Variants in MACF1 observed in about 807,000 individuals in gnomAD.
MACF1 encodes microtubule-actin cross-linking factor 1.
In MACF1, 193 loss-of-function variants were observed where a neutral mutation model predicts 854.8. The observed-to-expected ratio is 0.23, with a 90% CI of 0.20 to 0.25. MACF1 has a LOEUF of 0.25. Ranked by LOEUF, MACF1 falls within the 10% of genes least tolerant of loss-of-function variation. The pLI, the probability that MACF1 is intolerant of heterozygous loss-of-function variation, is 1.00. For synonymous variants in MACF1, 3,185 were observed against 3,226.7 expected (o/e 0.99, Z 0.44); for missense variants, 7,722 against 8,929.1 (o/e 0.86, Z 5.45).
At chr1:39,290,626 A>T (rs1571277094) in intron 15 of MACF1, among the ~76,000 whole-genome samples, 1 of 140,776 alleles carries the variant, frequency 7.1e-6, no homozygotes, top group African/African-American at 2.6e-5. Context: ...TCTCTCATTG[A>T]CAGAGGAGTT....
chr1:39,446,731 CTG>C (rs1237454484), intron 80 of MACF1, among the ~76,000 whole-genome samples: 1 of 152,036 alleles, frequency 6.6e-6, no homozygotes, highest in African/African-American at 2.4e-5. Flanking sequence ...GTGTAGGTCT[CTG>C]AGGATGGAGC....
At position 39,170,166 on chromosome 1, in the gene MACF1, T is replaced by G. The variant is rs567246862; in HGVS notation, c.221-61016T>G. On this transcript the variant is annotated intron_variant, in intron 2 of 93. Coordinates refer to the MACF1 transcript ENST00000361689. Reference sequence around the variant, plus strand: ...TCTGTCTATTCCTTCAAGTTTCACTTCAGGTCTTTCTTCTGATGAAGACTT... The same window carrying G: ...TCTGTCTATTCCTTCAAGTTTCACTGCAGGTCTTTCTTCTGATGAAGACTT... 6.6e-5 allele frequency among the ~76,000 whole-genome samples: 10 copies of G among 152,296 alleles called. No individual in the cohort carries two copies. The South Asian group carries it at 1.7e-3, about 25-fold the overall frequency.
intron 95 of MACF1, among the ~76,000 whole-genome samples, chr1:39,465,329 T>A (rs1271647005): frequency 6.6e-6 from 1 of 152,094 alleles, no homozygotes; most frequent in Non-Finnish European, 1.5e-5. Flanking sequence ...GGAGATGAAA[T>A]GGAGGAAAGT....
chr1:39,414,666 T>TTATA (rs1643218819), intron 58 of MACF1: 2 of 854,478 alleles, frequency 2.3e-6, no homozygotes, highest in African/African-American at 3.4e-5. Flanking sequence ...GTGAAAGACT[T>TTATA]TATAATTTCA....
In MACF1 at chr1:39,359,254, A is replaced by G. The variant is rs757760528; in HGVS notation, c.12234A>G (p.Gln4078=). The change falls in exon 47 of 101, where the codon CAA becomes CAG. Residue 4078 remains glutamine, a synonymous_variant. Transcript: ENST00000564288. ...CAGCCCCAGACCACAGGCATGTTCA[A>G]GAAACTACAGGTATAAAGCAGCAAC... The part of the protein sequence containing the change: ...GEPAPDHRHV[Q]ETTDSILSHF... The G allele has an allele frequency of 1.9e-6, 3 of 1,614,066 alleles. No homozygotes were observed. Among genetic ancestry groups the G allele is most frequent in the Non-Finnish European group, 1.7e-6 (2 of 1,180,048 alleles).
At position 39,442,282 on chromosome 1, in the gene MACF1, C is replaced by G; in HGVS notation, c.18910C>G (p.Leu6304Val). ...AGAACCACTGACAGAACTCAAACACCTCTGGGAGAACCTGGGTGAGAAAAT... is the reference window on the plus strand; with the variant it reads ...AGAACCACTGACAGAACTCAAACACGTCTGGGAGAACCTGGGTGAGAAAAT... ...IREPLTELKHLWENLGEKIAH... is the reference protein window; with the variant it reads ...IREPLTELKHVWENLGEKIAH... Residue 6304 changes from leucine to valine, a missense_variant, in exon 76 of 101, where the codon CTC becomes GTC. By Grantham distance (32) the Leu-to-Val change is conservative. Transcript: ENST00000564288. 1 of 1,604,468 alleles carries G rather than the reference C, an allele frequency of 6.2e-7. No individual in the cohort carries two copies. Among genetic ancestry groups the G allele is most frequent in the Admixed American group, 1.7e-5 (1 of 57,230 alleles).
chr1:39,382,038 G>A lies in MACF1; in HGVS notation c.13734G>A (p.Gln4578=), dbSNP rs770538251. The A allele has an allele frequency of 1.9e-6, 3 of 1,614,178 alleles. No homozygotes were observed. The highest frequency in any genetic ancestry group is 2.5e-6 in the Non-Finnish European group (3 of 1,180,036). The part of the protein sequence containing the change: ...EESASHLACF[Q]AAESQLRPWL... ...CTGCAAGTCATCTGGCCTGCTTCCA[G>A]GCTGCAGAATCCCAGCTCCGGCCGT... Residue 4578 remains glutamine, a synonymous_variant, in exon 56 of 101, where the codon CAG becomes CAA. Coordinates refer to ENST00000564288, the MANE Select transcript of MACF1 (RefSeq NM_001394062.1).
chr1:39,092,669 C>T (rs1389827406), intron 2 of MACF1, among the ~76,000 whole-genome samples: 1 of 152,216 alleles, frequency 6.6e-6, no homozygotes, highest in Non-Finnish European at 1.5e-5. Flanking sequence ...GAGAATAGTA[C>T]AGTGAACCCC....
intron 46 of MACF1, 89 bp from the exon 47 acceptor site, chr1:39,359,052 T>C (rs561492223): frequency 6.6e-7 from 1 of 1,518,410 alleles, no homozygotes; most frequent in Admixed American, 1.9e-5. Context: ...CTTACAATTA[T>C]TCTGTAAAGC....
chr1:39,329,204 C>A (rs1260377875), intron 36 of MACF1, among the ~76,000 whole-genome samples: 5 of 152,128 alleles, frequency 3.3e-5, no homozygotes, highest in African/African-American at 1.2e-4. Flanking sequence ...ATAAATAATA[C>A]TTTAAATAGT....
intron 44 of MACF1, among the ~76,000 whole-genome samples, chr1:39,355,193 C>T (rs1326970902): frequency 1.3e-5 from 2 of 152,098 alleles, no homozygotes; most frequent in Non-Finnish European, 2.9e-5. Flanking sequence ...ATACTGTGTC[C>T]CCCAAAGCCC....
chr1:39,242,931 C>T (rs972573042), intron 2 of MACF1, among the ~76,000 whole-genome samples: 11 of 152,164 alleles, frequency 7.2e-5, no homozygotes, highest in African/African-American at 1.9e-4. Flanking sequence ...TTTGTCTGGA[C>T]GTATGTTTTC....
chr1:39,475,559 A>G (rs1161434063), intron 97 of MACF1, among the ~76,000 whole-genome samples: 17 of 152,006 alleles, frequency 1.1e-4, no homozygotes, highest in Admixed American at 1.1e-3. Context: ...ACCAGTAGGA[A>G]GGCTGCTACA....
At chr1:39,292,307 A>G (rs567635950) in intron 16 of MACF1, among the ~76,000 whole-genome samples, 30 of 152,344 alleles carry the variant, frequency 2.0e-4, no homozygotes, top group African/African-American at 7.2e-4. Flanking sequence ...TAAGTAGTGG[A>G]TGCAGCATCC....
chr1:39,115,784 G>A (rs767438017), intron 2 of MACF1, among the ~76,000 whole-genome samples: 4 of 152,180 alleles, frequency 2.6e-5, no homozygotes, highest in Non-Finnish European at 5.9e-5. Flanking sequence ...AGAGAAAGAG[G>A]ATCTCCTGAA....
chr1:39,259,981 A>G (rs915562282), intron 6 of MACF1, among the ~76,000 whole-genome samples: 2 of 152,222 alleles, frequency 1.3e-5, no homozygotes, highest in Non-Finnish European at 2.9e-5. Flanking sequence ...TTTTCAGAAT[A>G]ATTAGTTGGT....
chr1:39,231,066 C>A, intron 1 of MACF1, 116 bp from the exon 2 acceptor site: 1 of 793,996 alleles, frequency 1.3e-6, no homozygotes, highest in South Asian at 1.5e-5. Context: ...AGTCACTGTC[C>A]CACAGTTATG....
chr1:39,347,302 A>G lies in MACF1; in HGVS notation c.10815+92A>G, dbSNP rs1647074629. ...GCCAGACTCTGTGTATCATGATTGC[A>G]GGAGCCTGGGTTTACCAATTTTGAA... On this transcript the variant is annotated intron_variant, in intron 41 of 100. Transcript: ENST00000564288. 3.1e-6 allele frequency: 3 copies of G among 969,408 alleles called. No homozygotes were observed. The South Asian group carries it at 4.2e-5, about 14-fold the overall frequency. The allele number at this position is 969,408 out of a possible 1,614,324, so 60.1% of individuals were successfully genotyped here.
chr1:39,139,503 C>T (rs1337758193), intron 2 of MACF1, among the ~76,000 whole-genome samples: 2 of 151,950 alleles, frequency 1.3e-5, no homozygotes, highest in Non-Finnish European at 2.9e-5. Flanking sequence ...GTGATCCTCC[C>T]ATCTCAGCCT....
Sources: allele counts gnomAD v4.1 joint callset (sites outside exome capture counted in the v4.1 genomes callset), GRCh38; gene constraint gnomAD v4.1.1; transcripts MANE v1.5; gene names NCBI Gene and HGNC (gene_info 2026-07-23, HGNC 2026-07-21).